ABCG5: variants seen among roughly 807,000 people sequenced by gnomAD.
ABCG5 encodes ATP binding cassette subfamily G member 5.
ABCG5 carries 64 observed loss-of-function variants against 64.5 expected under a neutral mutation model. The ratio of observed to expected loss-of-function variants is 0.99; its 90% CI spans 0.81 to 1.22. The LOEUF is 1.22. Ranked by LOEUF, ABCG5 falls within the 50% of genes most tolerant of loss-of-function variation. ABCG5 has a pLI of 0.00. For missense variants in ABCG5, 908 were observed against 829.5 expected (o/e 1.09, Z -1.16); for synonymous variants, 385 against 326.3 (o/e 1.18, Z -1.94).
At chr2:43,823,467 C>T (rs564851135) in intron 9 of ABCG5, among the ~76,000 whole-genome samples, 14 of 152,262 alleles carry the variant, frequency 9.2e-5, no homozygotes, top group Non-Finnish European at 1.5e-4. Context: ...CACCTGCTTC[C>T]TGCAACGTTA....
chr2:43,829,873 G>A (rs143941921), intron 4 of ABCG5, among the ~76,000 whole-genome samples: 5 of 152,320 alleles, frequency 3.3e-5, no homozygotes, highest in African/African-American at 1.2e-4. Flanking sequence ...CGGCATAGAT[G>A]TAGCTTTGAC....
downstream of ABCG5, among the ~76,000 whole-genome samples, chr2:43,808,531 A>G (rs17031635): frequency 6.6e-3 from 1,009 of 152,332 alleles, 12 homozygotes; most frequent in African/African-American, 0.023. Context: ...ATTGAACAAC[A>G]TGTAGGAGGC....
rs1404218188 is a variant in ABCG5, at chr2:43,820,035, T to TG, written c.1528dup (p.His510ProfsTer5). ...AAGAGTTAGAAATTCACCAATTAAGTGGGGGGCCAAGAGAGCAGCAGAAAA... is the reference window on the plus strand; with the variant it reads ...AAGAGTTAGAAATTCACCAATTAAGTGGGGGGGCCAAGAGAGCAGCAGAAAA... On this transcript the variant is annotated frameshift_variant, in exon 11 of 13. Coordinates refer to ENST00000405322, the MANE Select transcript of ABCG5 (RefSeq NM_022436.3). LOFTEE classifies it high-confidence loss of function. 9.9e-6 allele frequency: 16 copies of TG among 1,614,026 alleles called. No homozygotes were observed. The highest frequency in any genetic ancestry group is 2.2e-5 in the East Asian group (1 of 44,900).
In ABCG5 at chr2:43,824,090, T is replaced by G; in HGVS notation, c.1147A>C (p.Lys383Gln). The change falls in exon 9 of 13, where the codon AAG (lysine) becomes CAG (glutamine). Residue 383 changes from lysine to glutamine, a missense_variant. Coordinates refer to ENST00000405322, the MANE Select transcript of ABCG5 (RefSeq NM_022436.3). ...AGGAGACGCGTAATCACTGCCAGCT[T>G]ATTTCTCACCAAGTTTCTTGTCACT... The part of the protein sequence containing the change: ...RRVTRNLVRN[K>Q]LAVITRLLQN... The G allele has an allele frequency of 6.2e-7, 1 of 1,614,194 alleles. No homozygotes were observed. The highest frequency in any genetic ancestry group is 8.5e-7 in the Non-Finnish European group (1 of 1,180,042).
rs770254073 is a variant in ABCG5, at chr2:43,824,116, C to G, written c.1121G>C (p.Arg374Thr). ...VFSKLGVLLR[R>T]VTRNLVRNKL... ...ATTTCTCACCAAGTTTCTTGTCACT[C>G]TCCTGAAAACAAACAACCCTGTTTT... Residue 374 changes from arginine to threonine, a missense_variant and splice_region_variant, in exon 9 of 13, where the codon AGA becomes ACA. Physicochemically the swap from Arg to Thr is moderately conservative, Grantham distance 71. Coordinates refer to ENST00000405322, the MANE Select transcript of ABCG5 (RefSeq NM_022436.3). 61 of 1,614,110 alleles carry G rather than the reference C, an allele frequency of 3.8e-5. No homozygotes were observed. The highest frequency in any genetic ancestry group is 4.7e-5 in the Non-Finnish European group (56 of 1,180,054).
chr2:43,823,642 C>T (rs1262110694), intron 9 of ABCG5, among the ~76,000 whole-genome samples: 1 of 152,164 alleles, frequency 6.6e-6, no homozygotes, highest in Non-Finnish European at 1.5e-5. Context: ...GAGGAATGAT[C>T]TTTTGAAAAA....
At chr2:43,827,338 A>ATT in intron 5 of ABCG5, among the ~76,000 whole-genome samples, 1 of 151,964 alleles carries the variant, frequency 6.6e-6, no homozygotes, top group Non-Finnish European at 1.5e-5. Context: ...AAAAAAAAAA[A>ATT]AAAAGTGACA....
intron 2 of ABCG5, among the ~76,000 whole-genome samples, chr2:43,836,095 C>G (rs928899276): frequency 6.6e-6 from 1 of 152,142 alleles, no homozygotes; most frequent in Non-Finnish European, 1.5e-5. Context: ...TGCCACCAGG[C>G]CTGGCTAATT....
At chr2:43,808,516 T>C (rs1313618695), downstream of ABCG5, among the ~76,000 whole-genome samples, 1 of 152,226 alleles carries the variant, frequency 6.6e-6, no homozygotes, top group Non-Finnish European at 1.5e-5. Context: ...TACAGTTATT[T>C]AGACATTGAA....
intron 4 of ABCG5, 25 bp downstream of exon 4, chr2:43,831,744 T>C (rs946571160): frequency 1.3e-6 from 2 of 1,557,008 alleles, no homozygotes; most frequent in Non-Finnish European, 8.7e-7. Flanking sequence ...CAGTTTGCCC[T>C]CTGTGAGCGG....
intron 4 of ABCG5, chr2:43,828,391 T>G: frequency 2.1e-6 from 1 of 473,738 alleles, no homozygotes; most frequent in South Asian, 1.9e-5. Flanking sequence ...ATCCCAATAC[T>G]TTGGAAGGCT....
Position 43,838,311 on chromosome 2 carries a change from A to C in ABCG5, c.143+226T>G. 1.6e-6 allele frequency: 1 copy of C among 607,678 alleles called. No individual in the cohort carries two copies. The highest frequency in any genetic ancestry group is 2.9e-6 in the Non-Finnish European group (1 of 345,896). 37.6% of individuals were successfully genotyped at this position (607,678 alleles called of 1,614,324 possible). ...ACTGGGTTGGCAGGGCACTGCTGCCACTTTGTTTATGCCCAGGCCCTTCCC... is the reference window on the plus strand; with the variant it reads ...ACTGGGTTGGCAGGGCACTGCTGCCCCTTTGTTTATGCCCAGGCCCTTCCC... On this transcript the variant is annotated intron_variant, in intron 1 of 12. Coordinates refer to ENST00000405322, the MANE Select transcript of ABCG5 (RefSeq NM_022436.3). The surrounding 1 kb of genome is among the most constrained non-coding windows in gnomAD (Gnocchi z 4.2).
chr2:43,838,542 G>C lies in ABCG5; in HGVS notation c.138C>G (p.Ser46Arg), dbSNP rs775574718. ...HSLGILHASYSVSHRVRPWWD... is the reference protein window; with the variant it reads ...HSLGILHASYRVSHRVRPWWD... ...CAGCAAGGGCTCTGCCTTACCTGAC[G>C]CTGTAGGAGGCATGGAGGATGCCCA... Residue 46 changes from serine (S) to arginine (R), a missense_variant, in exon 1 of 13, where the codon AGC becomes AGG. Physicochemically the swap from Ser to Arg is moderately radical, Grantham distance 110. Coordinates refer to ENST00000405322, the MANE Select transcript of ABCG5 (RefSeq NM_022436.3). This position sits in a 1 kb window ranked among gnomAD's most constrained non-coding sequence, Gnocchi z 4.2. The C allele has an allele frequency of 6.2e-7, 1 of 1,603,022 alleles. No individual in the cohort carries two copies. Among genetic ancestry groups the C allele is most frequent in the South Asian group, 1.1e-5 (1 of 89,120 alleles).
downstream of ABCG5, chr2:43,809,644 A>G (rs1305873635): frequency 6.7e-6 from 8 of 1,191,836 alleles, no homozygotes; most frequent in Non-Finnish European, 8.6e-6. Context: ...GGCAGTTTTA[A>G]GGTGCCTCCT....
intron 10 of ABCG5, 104 bp downstream of exon 10, chr2:43,822,693 C>G (rs1430480743): frequency 6.6e-7 from 1 of 1,516,954 alleles, no homozygotes; most frequent in East Asian, 2.5e-5. Flanking sequence ...AAGTGTAGAT[C>G]CTCCAGAGCA....
intron 12 of ABCG5, 49 bp from the exon 13 acceptor site, chr2:43,813,358 T>C (rs183575221): frequency 1.6e-4 from 213 of 1,357,254 alleles, no homozygotes; most frequent in African/African-American, 9.2e-4. Flanking sequence ...TCTCAGGTAA[T>C]TTAATCAACA....
Position 43,819,908 on chromosome 2 carries a change from A to G in ABCG5, c.1649+7T>C. On this transcript the variant is annotated splice_region_variant and intron_variant, in intron 11 of 12. Transcript: ENST00000405322. ...CAATCTAAATTTTTTGAATTATGAT[A>G]TCTTACCTGAGGAATCCAGATCCAA... The G allele has an allele frequency of 3.7e-6, 6 of 1,614,130 alleles. No homozygotes were observed. The highest frequency in any genetic ancestry group is 5.1e-6 in the Non-Finnish European group (6 of 1,179,992).
At chr2:43,836,160 C>G (rs1668250747) in intron 2 of ABCG5, among the ~76,000 whole-genome samples, 1 of 151,958 alleles carries the variant, frequency 6.6e-6, no homozygotes, top group South Asian at 2.1e-4. Context: ...AGGCTGGTCT[C>G]GAATTCCTGA....
At position 43,820,042 on chromosome 2, in the gene ABCG5, C is replaced by T. The variant is rs548044015; in HGVS notation, c.1522G>A (p.Ala508Thr). ...AGAAATTCACCAATTAAGTGGGGGG[C>T]CAAGAGAGCAGCAGAAAAATATCCA... ...RFGYFSAALL[A>T]PHLIGEFLTL... Residue 508 changes from alanine to threonine, a missense_variant, in exon 11 of 13, where the codon GCC becomes ACC. Transcript: ENST00000405322. 5.6e-6 allele frequency: 9 copies of T among 1,614,124 alleles called. No individual in the cohort carries two copies. Among genetic ancestry groups the T allele is most frequent in the East Asian group, 4.5e-5 (2 of 44,884 alleles).
Sources: gnomAD v4.1 joint callset for allele counts (sites outside exome capture counted in the v4.1 genomes callset) on GRCh38, gnomAD v4.1.1 for gene constraint, Gnocchi (gnomAD v3.1) non-coding constraint, MANE v1.5 for transcripts, NCBI Gene and HGNC (gene_info 2026-07-23, HGNC 2026-07-21) for gene names.